Variants in DMD observed in about 807,000 individuals in gnomAD.
DMD encodes dystrophin.
DMD carries 63 observed loss-of-function variants against 330.1 expected under a neutral mutation model. That is an observed-to-expected ratio of 0.19 (90% CI 0.16 to 0.24). DMD has a LOEUF of 0.24. Among genes scored for constraint, DMD ranks in the 10% least tolerant of loss-of-function variants. The pLI, the probability that DMD is intolerant of heterozygous loss-of-function variation, is 1.00. For synonymous variants in DMD, 1,223 were observed against 959.8 expected (o/e 1.27, Z -5.07); for missense variants, 3,344 against 2,684.1 (o/e 1.25, Z -5.43).
At chrX:31,934,624 A>C (rs1233972367) in intron 45 of DMD, among the ~76,000 whole-genome samples, 1 of 111,352 alleles carries the variant, frequency 9.0e-6, no homozygotes, top group Non-Finnish European at 1.9e-5. Context: ...CGAATATAAC[A>C]TCTGATCTAG....
intron 1 of DMD, among the ~76,000 whole-genome samples, chrX:33,144,986 C>T (rs1469332221): frequency 1.8e-5 from 2 of 111,700 alleles, no homozygotes; most frequent in Admixed American, 9.5e-5. Flanking sequence ...AGTTGAAATA[C>T]GTTCACTAAG....
intron 43 of DMD, among the ~76,000 whole-genome samples, chrX:32,278,807 A>G (rs1401663540): frequency 1.8e-5 from 2 of 111,934 alleles, no homozygotes; most frequent in Non-Finnish European, 3.8e-5. Context: ...AAAAGCAAAA[A>G]TAGACAAATG....
At chrX:32,692,580 G>C (rs73209877) in intron 9 of DMD, among the ~76,000 whole-genome samples, 17 of 111,729 alleles carry the variant, frequency 1.5e-4, no homozygotes, top group Non-Finnish European at 2.4e-4. Flanking sequence ...TCACCCAGAA[G>C]TGCTTTTTCT....
chrX:32,521,147 C>G (rs1469229943), intron 17 of DMD, among the ~76,000 whole-genome samples: 4 of 111,754 alleles, frequency 3.6e-5, no homozygotes, highest in Non-Finnish European at 7.5e-5. Flanking sequence ...TACTTTTGCT[C>G]AAGCATCTGA....
chrX:31,803,897 C>G (rs949045897), intron 50 of DMD, among the ~76,000 whole-genome samples: 1 of 108,508 alleles, frequency 9.2e-6, no homozygotes, highest in Non-Finnish European at 1.9e-5. Context: ...CACGGTTTCT[C>G]CATGTTGGTC....
At chrX:31,797,589 G>T (rs2091887542) in intron 50 of DMD, among the ~76,000 whole-genome samples, 1 of 111,961 alleles carries the variant, frequency 8.9e-6, no homozygotes, top group Admixed American at 9.5e-5. Context: ...CATAAAAATA[G>T]AATTACTTGA....
chrX:31,830,360 C>T (rs1221271423), intron 49 of DMD, among the ~76,000 whole-genome samples: 3 of 112,276 alleles, frequency 2.7e-5, no homozygotes, highest in East Asian at 2.8e-4. Context: ...TTTGGGAGGC[C>T]GAGGCAGCCT....
chrX:32,990,845 T>C (rs1336598682), intron 2 of DMD, among the ~76,000 whole-genome samples: 1 of 111,396 alleles, frequency 9.0e-6, no homozygotes, highest in Non-Finnish European at 1.9e-5. Context: ...AAACTGTATG[T>C]GCCTGTTCTT....
At chrX:31,689,380 G>A (rs1225060486) in intron 52 of DMD, among the ~76,000 whole-genome samples, 2 of 111,689 alleles carry the variant, frequency 1.8e-5, no homozygotes, top group African/African-American at 6.5e-5. Context: ...TTGCTTCAAA[G>A]AGAATAAAAT....
intron 17 of DMD, among the ~76,000 whole-genome samples, chrX:32,532,153 A>T (rs774162524): frequency 9.0e-6 from 1 of 111,634 alleles, no homozygotes; most frequent in Admixed American, 9.6e-5. Context: ...AAAAAGTTCA[A>T]TTATATGGAA....
At chrX:33,086,634 A>G (rs983739090) in intron 1 of DMD, among the ~76,000 whole-genome samples, 2 of 110,685 alleles carry the variant, frequency 1.8e-5, no homozygotes, top group African/African-American at 6.5e-5. Flanking sequence ...GCTAATTAAT[A>G]CTTCCAAACT....
intron 7 of DMD, among the ~76,000 whole-genome samples, chrX:32,767,334 G>A (rs2073104545): frequency 9.1e-6 from 1 of 110,165 alleles, no homozygotes; most frequent in African/African-American, 3.3e-5. Context: ...ATTTTCTTTA[G>A]TCCATCTCCA....
At chrX:32,619,600 A>G in intron 11 of DMD, among the ~76,000 whole-genome samples, 1 of 112,166 alleles carries the variant, frequency 8.9e-6, no homozygotes, top group South Asian at 3.7e-4. Flanking sequence ...AGTAGGGTTT[A>G]AAAAGCAATG....
intron 2 of DMD, among the ~76,000 whole-genome samples, chrX:32,889,930 A>T (rs2085034369): frequency 9.0e-6 from 1 of 111,148 alleles, no homozygotes; most frequent in South Asian, 3.8e-4. Flanking sequence ...AACCCCAGAG[A>T]AAGGGGGGGC....
At chrX:31,854,837 C>T (rs1305592844) in intron 48 of DMD, among the ~76,000 whole-genome samples, 1 of 111,295 alleles carries the variant, frequency 9.0e-6, no homozygotes, top group South Asian at 3.8e-4. Flanking sequence ...TATTTCTTGT[C>T]GGGAGCTACC....
At chrX:31,592,493 A>G (rs969512102) in intron 55 of DMD, among the ~76,000 whole-genome samples, 3 of 105,785 alleles carry the variant, frequency 2.8e-5, no homozygotes, top group Non-Finnish European at 5.8e-5. Flanking sequence ...GAGACAATTT[A>G]TAAGTAAAAA....
At chrX:31,161,465 C>T (rs889400847) in intron 74 of DMD, among the ~76,000 whole-genome samples, 14 of 111,825 alleles carry the variant, frequency 1.3e-4, no homozygotes, top group Non-Finnish European at 1.3e-4. Flanking sequence ...ATGTCTGATA[C>T]GTAGCTCTTT....
intron 1 of DMD, among the ~76,000 whole-genome samples, chrX:33,243,111 C>T (rs5971700): frequency 0.15 from 16,589 of 111,082 alleles, 1,750 homozygotes; most frequent in African/African-American, 0.38. Flanking sequence ...TTTCATTAGG[C>T]CCCAGCTATT....
At chrX:31,147,018 GT>G (rs1338595866) in intron 75 of DMD, among the ~76,000 whole-genome samples, 2 of 111,506 alleles carry the variant, frequency 1.8e-5, no homozygotes, top group Non-Finnish European at 3.8e-5. Context: ...ACCTTTAGGC[GT>G]TTTTTTCCCC....
Sources: allele counts gnomAD v4.1 joint callset (sites outside exome capture counted in the v4.1 genomes callset), GRCh38; gene constraint gnomAD v4.1.1; transcripts MANE v1.5; gene names NCBI Gene and HGNC (gene_info 2026-07-23, HGNC 2026-07-21).